The following JMJD1C variants were observed in gnomAD, a reference collection of about 807,000 sequenced individuals.
JMJD1C encodes the protein jumonji domain-containing protein 1C.
In JMJD1C, 31 loss-of-function variants were observed where a neutral mutation model predicts 245.3. The observed-to-expected ratio is 0.13, with a 90% CI of 0.09 to 0.17. The LOEUF (loss-of-function observed/expected upper bound fraction) is 0.17. JMJD1C is among the 10% of genes least tolerant of loss of function. The pLI is 1.00. For synonymous variants in JMJD1C, 1,057 were observed against 1,017.4 expected (o/e 1.04, Z -0.74); for missense variants, 2,691 against 3,000.2 (o/e 0.90, Z 2.41).
intron 2 of JMJD1C, among the ~76,000 whole-genome samples, chr10:63,274,913 C>A (rs1856639349): frequency 6.6e-6 from 1 of 152,048 alleles, no homozygotes; most frequent in African/African-American, 2.4e-5. Flanking sequence ...AGCAATCATA[C>A]AAGCAGACAT....
At chr10:63,245,435 T>A (rs1326534353) in intron 3 of JMJD1C, among the ~76,000 whole-genome samples, 1 of 147,750 alleles carries the variant, frequency 6.8e-6, no homozygotes, top group Non-Finnish European at 1.5e-5. Context: ...ATGTTTCACA[T>A]GGATAGCAGC....
chr10:63,242,149 A>T (rs976868927), intron 3 of JMJD1C, among the ~76,000 whole-genome samples: 1 of 152,168 alleles, frequency 6.6e-6, no homozygotes, highest in Non-Finnish European at 1.5e-5. Context: ...ATGATATACT[A>T]AGGGCTAGGG....
intron 2 of JMJD1C, among the ~76,000 whole-genome samples, chr10:63,351,717 A>C (rs1487246752): frequency 2.0e-5 from 3 of 152,218 alleles, no homozygotes; most frequent in Non-Finnish European, 4.4e-5. Flanking sequence ...GGGATAACAG[A>C]GTACCAGAAG....
intron 2 of JMJD1C, among the ~76,000 whole-genome samples, chr10:63,372,575 T>C (rs1342035346): frequency 6.6e-6 from 1 of 152,228 alleles, no homozygotes; most frequent in Non-Finnish European, 1.5e-5. Flanking sequence ...TATTATCATA[T>C]GTTAATAGTC....
intron 1 of JMJD1C, among the ~76,000 whole-genome samples, chr10:63,472,671 T>C (rs1357018467): frequency 6.6e-6 from 1 of 152,198 alleles, no homozygotes; most frequent in Non-Finnish European, 1.5e-5. Flanking sequence ...TAAAATTTCA[T>C]ATATAGCCAA....
intron 1 of JMJD1C, among the ~76,000 whole-genome samples, chr10:63,501,441 C>T (rs993976891): frequency 1.3e-5 from 2 of 152,096 alleles, no homozygotes; most frequent in African/African-American, 4.8e-5. Flanking sequence ...TTCAAAGGTA[C>T]TAACTCTATT....
chr10:63,385,416 C>CTTTTTTTTTTTTTTTTTTT lies in JMJD1C; in HGVS notation c.169-4953_169-4935dup, dbSNP rs35450282. 5.6e-5 allele frequency among the ~76,000 whole-genome samples: 3 copies of CTTTTTTTTTTTTTTTTTTT among 53,762 alleles called. 1 individual carries two copies. The highest frequency in any genetic ancestry group is 1.6e-3 in the East Asian group (2 of 1,230). The allele number at this position is 53,762 out of a possible 152,430, so 35.3% of individuals were successfully genotyped here. A position where few individuals can be genotyped will look rare whatever the true frequency, so the allele number is the denominator to read the frequency against. ...AATCCCATGCCTTCCCTGCCCCCGC[C>CTTTTTTTTTTTTTTTTTTT]TTTTTTTTTTTTTTTTTTTTTTTTT... On this transcript the variant is annotated intron_variant, in intron 1 of 25. Coordinates refer to ENST00000399262, the MANE Select transcript of JMJD1C (RefSeq NM_032776.3).
chr10:63,207,010 G>C lies in JMJD1C; in HGVS notation c.4659C>G (p.Ala1553=), dbSNP rs2133144495. The C allele has an allele frequency of 6.2e-7, 1 of 1,613,892 alleles. No individual in the cohort carries two copies. Among genetic ancestry groups the C allele is most frequent in the Non-Finnish European group, 8.5e-7 (1 of 1,179,968 alleles). ...CTTCTTCTGAGTGTCTGGTGAGCCAGGCCTTTTTCAGTTTAGTATGGTAGT... is the reference window on the plus strand; with the variant it reads ...CTTCTTCTGAGTGTCTGGTGAGCCACGCCTTTTTCAGTTTAGTATGGTAGT... ...QPNYHTKLKK[A]WLTRHSEEDK... Residue 1553 remains alanine, a synonymous_variant, in exon 10 of 26, where the codon GCC becomes GCG. Coordinates refer to ENST00000399262, the MANE Select transcript of JMJD1C (RefSeq NM_032776.3).
intron 1 of JMJD1C, among the ~76,000 whole-genome samples, chr10:63,508,838 TG>T: frequency 6.6e-6 from 1 of 152,328 alleles, no homozygotes; most frequent in Middle Eastern, 3.4e-3. Context: ...GTAATTTTCT[TG>T]ATTCTTTTGA....
At chr10:63,318,541 C>T (rs1339780895) in intron 2 of JMJD1C, among the ~76,000 whole-genome samples, 4 of 151,954 alleles carry the variant, frequency 2.6e-5, no homozygotes, top group Non-Finnish European at 5.9e-5. Flanking sequence ...GCATCTGTTT[C>T]TGTTGTTTGC....
chr10:63,395,134 G>C (rs1948395391), intron 1 of JMJD1C, among the ~76,000 whole-genome samples: 1 of 152,048 alleles, frequency 6.6e-6, no homozygotes, highest in Non-Finnish European at 1.5e-5. Context: ...AATAATTAGA[G>C]AAATACAAAT....
intron 2 of JMJD1C, among the ~76,000 whole-genome samples, chr10:63,365,829 G>T (rs1945787580): frequency 1.3e-5 from 2 of 152,204 alleles, no homozygotes; most frequent in Admixed American, 6.5e-5. Flanking sequence ...TACAGTGAAA[G>T]ATCAACCTTA....
At chr10:63,465,169 C>A in intron 1 of JMJD1C, 1 of 333,972 alleles carries the variant, frequency 3.0e-6, no homozygotes, top group South Asian at 6.5e-5. Context: ...GCGCCGGACT[C>A]GCGGCTCCGC....
intron 1 of JMJD1C, chr10:63,427,759 G>A (rs1294073973): frequency 3.7e-6 from 5 of 1,362,404 alleles, no homozygotes; most frequent in African/African-American, 1.4e-5. Flanking sequence ...CAAAAGCAAC[G>A]TGACCAAGAC....
intron 2 of JMJD1C, among the ~76,000 whole-genome samples, chr10:63,305,469 T>G (rs1385308889): frequency 7.0e-6 from 1 of 142,574 alleles, no homozygotes. Context: ...CCTCTCTCTC[T>G]CTCTCTCTCT....
intron 9 of JMJD1C, 32 bp downstream of exon 9, chr10:63,209,031 T>C: frequency 1.3e-6 from 2 of 1,529,674 alleles, no homozygotes; most frequent in Non-Finnish European, 1.8e-6. Flanking sequence ...ATGAACAAGG[T>C]ATTTATAATT....
intron 3 of JMJD1C, among the ~76,000 whole-genome samples, chr10:63,258,001 G>A (rs1036764942): frequency 6.6e-6 from 1 of 152,160 alleles, no homozygotes; most frequent in Non-Finnish European, 1.5e-5. Flanking sequence ...GATGGTGGCA[G>A]AGAAATAGTC....
chr10:63,354,510 C>T (rs906103029), intron 2 of JMJD1C, among the ~76,000 whole-genome samples: 10 of 151,506 alleles, frequency 6.6e-5, no homozygotes, highest in Admixed American at 1.3e-4. Flanking sequence ...CAATCTTATC[C>T]TTTTTTATTT....
chr10:63,471,715 T>C (rs1341515676), intron 1 of JMJD1C, among the ~76,000 whole-genome samples: 2 of 152,198 alleles, frequency 1.3e-5, no homozygotes, highest in African/African-American at 4.8e-5. Flanking sequence ...TTTCCTCTGC[T>C]TTCCAAGTTT....
Sources: allele counts gnomAD v4.1 joint callset (sites outside exome capture counted in the v4.1 genomes callset), GRCh38; gene constraint gnomAD v4.1.1; transcripts MANE v1.5; gene names NCBI Gene and HGNC (gene_info 2026-07-23, HGNC 2026-07-21).